Variants in SMAD6 observed in about 807,000 individuals in gnomAD.
SMAD6 encodes the protein MAD homolog 6.
A neutral mutation model predicts 39.4 loss-of-function variants in SMAD6; 103 were observed. The observed-to-expected ratio is 2.62, with a 90% confidence interval of 2.23 to 3.08. The LOEUF is 3.08. Ranked by LOEUF, SMAD6 falls within the 30% of genes most tolerant of loss-of-function variation. The pLI, the probability that SMAD6 is intolerant of heterozygous loss-of-function variation, is 0.00. For missense variants in SMAD6, 1,104 were observed against 742.9 expected, an observed-to-expected ratio of 1.49 and a Z score of -5.65; for synonymous variants, 445 against 353.3, an observed-to-expected ratio of 1.26 and a Z score of -2.91.
At chr15:66,710,408 C>G (rs1893205091) in intron 1 of SMAD6, among the ~76,000 whole-genome samples, 1 of 152,156 alleles carries the variant, frequency 6.6e-6, no homozygotes, top group Non-Finnish European at 1.5e-5. Context: ...GTCTCTGTTT[C>G]TAAACCTCAG....
In SMAD6 at chr15:66,770,494, A is replaced by C. The variant is rs1894361606; in HGVS notation, c.953-10503A>C. Among the ~76,000 whole-genome samples the C allele has an allele frequency of 2.0e-5, 3 of 152,038 alleles. No individual in the cohort carries two copies. The South Asian group carries it at 6.2e-4, about 32-fold the overall frequency. On this transcript the variant is annotated intron_variant, in intron 3 of 3. Transcript: ENST00000288840. ...CCTGGGGACCGAGGTACCCAGCTTC[A>C]TTGTCTTGCACACTGTTATTTTAGA...
rs754357644 is a variant in SMAD6, at chr15:66,782,803, GT to G, written c.*1269del. 1.3e-5 allele frequency: 2 copies of G among 152,368 alleles called. No homozygotes were observed. The highest frequency in any genetic ancestry group is 2.9e-5 in the Non-Finnish European group (2 of 68,024). The allele number at this position is 152,368 out of a possible 1,614,324, so 9.4% of individuals were successfully genotyped here. A position where few individuals can be genotyped will look rare whatever the true frequency, so the allele number is the denominator to read the frequency against. On this transcript the variant is annotated 3_prime_UTR_variant, in exon 4 of 4. Transcript: ENST00000288840. The stretch of plus-strand genomic sequence containing the variant: ...ATTAACATATTAAGTGCTCTGAGAA[GT>G]CCTGTGTATTATCTCTTGCTGCATA...
intron 3 of SMAD6, among the ~76,000 whole-genome samples, chr15:66,738,072 C>G (rs918208975): frequency 6.6e-6 from 1 of 152,226 alleles, no homozygotes; most frequent in Non-Finnish European, 1.5e-5. Context: ...ACCATCACCA[C>G]CATCTATCCA....
At chr15:66,772,937 C>T (rs558263393) in intron 3 of SMAD6, among the ~76,000 whole-genome samples, 1 of 152,206 alleles carries the variant, frequency 6.6e-6, no homozygotes, top group East Asian at 1.9e-4. Flanking sequence ...GCATGTTCCT[C>T]AGTCTCCCTC....
intron 3 of SMAD6, among the ~76,000 whole-genome samples, chr15:66,752,611 C>T (rs2140649304): frequency 6.6e-6 from 1 of 151,882 alleles, no homozygotes. Flanking sequence ...ATAGTGAGGC[C>T]CTGTCTCTAC....
At chr15:66,778,071 TTTC>T (rs1370224483) in intron 3 of SMAD6, among the ~76,000 whole-genome samples, 1 of 146,478 alleles carries the variant, frequency 6.8e-6, no homozygotes, top group Non-Finnish European at 1.5e-5. Flanking sequence ...ATTGAAAAAC[TTTC>T]TTTTCTTTTC....
chr15:66,703,750 G>A lies in SMAD6; in HGVS notation c.492G>A (p.Arg164=). 1.4e-6 allele frequency: 2 copies of A among 1,389,202 alleles called. No homozygotes were observed. The highest frequency in any genetic ancestry group is 9.4e-7 in the Non-Finnish European group (1 of 1,058,538). The allele number at this position is 1,389,202 out of a possible 1,614,324, so 86.1% of individuals were successfully genotyped here. ...GGCGGAGTCGCGAAGCGCGCTCGCG[G>A]CTGCTGCTGCTGGAGCAGGAACTCA... is the stretch of plus-strand genomic sequence containing the variant. The part of the protein sequence containing the change: ...GGGRSREARS[R]LLLLEQELKT... The change falls in exon 1 of 4, where the codon CGG becomes CGA. Residue 164 remains arginine (R), a synonymous_variant. Coordinates refer to ENST00000288840, the MANE Select transcript of SMAD6 (RefSeq NM_005585.5).
At chr15:66,729,666 C>T (rs927501393) in intron 3 of SMAD6, among the ~76,000 whole-genome samples, 9 of 152,194 alleles carry the variant, frequency 5.9e-5, no homozygotes, top group Non-Finnish European at 2.9e-5. Flanking sequence ...GTGTGAGTTA[C>T]CGTAAGGGAT....
In SMAD6 at chr15:66,703,361, G is replaced by A; in HGVS notation, c.103G>A (p.Glu35Lys). 6 of 1,476,614 alleles carry A rather than the reference G, an allele frequency of 4.1e-6. No homozygotes were observed. Among genetic ancestry groups the A allele is most frequent in the Non-Finnish European group, 5.4e-6 (6 of 1,113,716 alleles). 91.5% of individuals were successfully genotyped at this position (1,476,614 alleles called of 1,614,324 possible). ...GGSGGGGGGD[E>K]DGSLGSRAEP... The stretch of plus-strand genomic sequence containing the variant: ...CAGCGGCGGCGGCGGTGGCGGCGAC[G>A]AGGATGGGAGCTTGGGCAGCCGAGC... The change falls in exon 1 of 4, where the codon GAG (glutamate) becomes AAG (lysine). Residue 35 changes from glutamate to lysine, a missense_variant. Physicochemically the swap from Glu to Lys is moderately conservative, Grantham distance 56 (BLOSUM62 1). Transcript: ENST00000288840.
chr15:66,765,478 C>G (rs1277301161), intron 3 of SMAD6, among the ~76,000 whole-genome samples: 1 of 152,210 alleles, frequency 6.6e-6, no homozygotes, highest in East Asian at 1.9e-4. Context: ...CTGCCTTGGC[C>G]TCCCAAAATG....
At position 66,781,041 on chromosome 15, in the gene SMAD6, AG is replaced by A. The variant is rs1894551835; in HGVS notation, c.998del (p.Ser333ThrfsTer206). 6.2e-7 allele frequency: 1 copy of A among 1,600,186 alleles called. No homozygotes were observed. The highest frequency in any genetic ancestry group is 1.7e-5 in the Admixed American group (1 of 59,614). On this transcript the variant is annotated frameshift_variant, in exon 4 of 4. Transcript: ENST00000288840. LOFTEE classifies it high-confidence loss of function. ...CGCCACCAAGCCGAGCCACTGGTGC[AG>A]CGTGGCGTACTGGGAGCACCGGACG... The part of the protein sequence containing the change: ...PDATKPSHWC[S>X]VAYWEHRTRV...
chr15:66,718,398 C>G (rs938150591), intron 3 of SMAD6, among the ~76,000 whole-genome samples: 1 of 152,088 alleles, frequency 6.6e-6, no homozygotes, highest in African/African-American at 2.4e-5. Context: ...CCAGAGCAGT[C>G]TTTGGTACTG....
At chr15:66,726,586 C>A (rs1380058956) in intron 3 of SMAD6, among the ~76,000 whole-genome samples, 1 of 152,210 alleles carries the variant, frequency 6.6e-6, no homozygotes, top group Non-Finnish European at 1.5e-5. Flanking sequence ...TAGCTGCATT[C>A]TCCCTCACAG....
chr15:66,754,923 T>C (rs544610302), intron 3 of SMAD6, among the ~76,000 whole-genome samples: 1 of 152,228 alleles, frequency 6.6e-6, no homozygotes, highest in South Asian at 2.1e-4. Flanking sequence ...ACCAAGCAGA[T>C]AAGATTCCAG....
intron 3 of SMAD6, among the ~76,000 whole-genome samples, chr15:66,739,899 C>T (rs189955219): frequency 1.4e-4 from 21 of 152,304 alleles, no homozygotes; most frequent in Admixed American, 1.2e-3. Context: ...CTCAGCCTTC[C>T]GAGTAGCTGG....
In SMAD6 at chr15:66,748,667, A is replaced by C. The variant is rs749511347; in HGVS notation, c.952+32169A>C. 1.2e-3 allele frequency among the ~76,000 whole-genome samples: 176 copies of C among 152,246 alleles called. 1 individual carries two copies. The highest frequency in any genetic ancestry group is 2.1e-3 in the Non-Finnish European group (140 of 68,016). On this transcript the variant is annotated intron_variant, in intron 3 of 3. Transcript: ENST00000288840. Reference sequence around the variant, plus strand: ...AATCTCCCTCTCTTCACTTCATTAGATTGCAAGGCCCTTTCAGGGGAGGGA... The same window carrying C: ...AATCTCCCTCTCTTCACTTCATTAGCTTGCAAGGCCCTTTCAGGGGAGGGA...
intron 3 of SMAD6, among the ~76,000 whole-genome samples, chr15:66,751,660 A>G (rs1386459346): frequency 6.6e-6 from 1 of 152,226 alleles, no homozygotes; most frequent in Non-Finnish European, 1.5e-5. Flanking sequence ...GTGACTGGCC[A>G]TGCTCTGGCT....
chr15:66,781,470 T>C lies in SMAD6; in HGVS notation c.1426T>C (p.Tyr476His), dbSNP rs751202106. The C allele has an allele frequency of 6.2e-7, 1 of 1,601,490 alleles. No homozygotes were observed. Among genetic ancestry groups the C allele is most frequent in the Non-Finnish European group, 8.5e-7 (1 of 1,176,212 alleles). The change falls in exon 4 of 4, where the codon TAC becomes CAC. Residue 476 changes from tyrosine (Y) to histidine (H), a missense_variant. By Grantham distance (83) the Tyr-to-His change is moderately conservative. Transcript: ENST00000288840. ...ISFAKGWGPC[Y>H]SRQFITSCPC... ...CTTCGCCAAGGGCTGGGGGCCCTGC[T>C]ACTCCCGGCAGTTCATCACCTCCTG...
chr15:66,704,639 A>AGT (rs772288746), intron 1 of SMAD6: 3 of 152,210 alleles, frequency 2.0e-5, no homozygotes, highest in Non-Finnish European at 4.4e-5. Context: ...CCCTCTCTGG[A>AGT]GTAAAGAGCA....
Sources: gnomAD v4.1 joint callset for allele counts (sites outside exome capture counted in the v4.1 genomes callset) on GRCh38, gnomAD v4.1.1 for gene constraint, MANE v1.5 for transcripts, NCBI Gene and HGNC (gene_info 2026-07-23, HGNC 2026-07-21) for gene names.